The following DNER variants were observed in gnomAD, a reference collection of about 807,000 sequenced individuals.
DNER encodes delta/notch like EGF repeat containing.
A neutral mutation model predicts 78.2 loss-of-function variants in DNER; 33 were observed. The ratio of observed to expected loss-of-function variants is 0.42; its 90% CI spans 0.32 to 0.56. The LOEUF (loss-of-function observed/expected upper bound fraction) is 0.56, where lower values mean the gene tolerates loss of function less well. Ranked by LOEUF, DNER falls within the 20% of genes least tolerant of loss-of-function variation. The pLI is 0.11. For synonymous variants in DNER, 417 were observed against 384.8 expected, an observed-to-expected ratio of 1.08 and a Z score of -0.98; for missense variants, 918 against 975.3, an observed-to-expected ratio of 0.94 and a Z score of 0.78.
chr2:229,485,421 A>T (rs1695249529), intron 6 of DNER, among the ~76,000 whole-genome samples: 1 of 152,230 alleles, frequency 6.6e-6, no homozygotes, highest in Admixed American at 6.5e-5. Flanking sequence ...TTGGTCTAAT[A>T]TAGGCTTGGA....
At chr2:229,385,980 C>T (rs933980866) in intron 11 of DNER, among the ~76,000 whole-genome samples, 1 of 152,030 alleles carries the variant, frequency 6.6e-6, no homozygotes, top group Non-Finnish European at 1.5e-5. Context: ...CTTTAAAGTT[C>T]ATATAGAACC....
chr2:229,500,633 A>G (rs1032562358), intron 6 of DNER, among the ~76,000 whole-genome samples: 18 of 152,208 alleles, frequency 1.2e-4, no homozygotes, highest in African/African-American at 3.9e-4. Flanking sequence ...GATTCAGTCT[A>G]AGTATCCATC....
At chr2:229,674,990 T>C (rs534629562) in intron 1 of DNER, among the ~76,000 whole-genome samples, 1 of 152,320 alleles carries the variant, frequency 6.6e-6, no homozygotes, top group East Asian at 1.9e-4. Context: ...GCATTAGTCA[T>C]CTTTTATATA....
chr2:229,477,159 G>T lies in DNER; in HGVS notation c.1242C>A (p.Phe414Leu). ...AATTACCTTCTGGACACTGGCAGGT[G>T]AATCCACTGAGACTGGAAATGCATG... is the stretch of plus-strand genomic sequence containing the variant. ...GATCISSLSGFTCQCPEGYFG... is the reference protein window; with the variant it reads ...GATCISSLSGLTCQCPEGYFG... Residue 414 changes from phenylalanine (F) to leucine (L), a missense_variant, in exon 7 of 13, where the codon TTC becomes TTA. Coordinates refer to ENST00000341772, the MANE Select transcript of DNER (RefSeq NM_139072.4). 6.2e-7 allele frequency: 1 copy of T among 1,613,696 alleles called. No individual in the cohort carries two copies. Among genetic ancestry groups the T allele is most frequent in the South Asian group, 1.1e-5 (1 of 91,020 alleles).
intron 5 of DNER, among the ~76,000 whole-genome samples, chr2:229,526,357 G>A (rs772747777): frequency 6.6e-6 from 1 of 152,188 alleles, no homozygotes; most frequent in African/African-American, 2.4e-5. Flanking sequence ...TATGATGCTT[G>A]TAGTTTCTTT....
intron 1 of DNER, among the ~76,000 whole-genome samples, chr2:229,679,411 G>T (rs186857698): frequency 6.6e-6 from 1 of 152,230 alleles, no homozygotes; most frequent in Admixed American, 6.5e-5. Context: ...TATTGCAAAT[G>T]AACTGTAATG....
intron 9 of DNER, among the ~76,000 whole-genome samples, chr2:229,408,220 G>A (rs1693432704): frequency 6.6e-6 from 1 of 151,892 alleles, no homozygotes; most frequent in South Asian, 2.1e-4. Flanking sequence ...ATTACTTCCA[G>A]GAGACTTGAT....
intron 1 of DNER, among the ~76,000 whole-genome samples, chr2:229,619,680 G>T (rs1198955859): frequency 3.3e-5 from 5 of 152,164 alleles, no homozygotes; most frequent in African/African-American, 1.2e-4. Context: ...TCTTAAAAAT[G>T]ACTGCAAAGA....
chr2:229,528,583 C>G (rs1362742771), intron 5 of DNER, among the ~76,000 whole-genome samples: 1 of 152,156 alleles, frequency 6.6e-6, no homozygotes, highest in African/African-American at 2.4e-5. Flanking sequence ...GATCTCTACC[C>G]GCAAGTCTGC....
chr2:229,654,847 T>C (rs1021392124), intron 1 of DNER, among the ~76,000 whole-genome samples: 2 of 152,224 alleles, frequency 1.3e-5, no homozygotes, highest in African/African-American at 2.4e-5. Context: ...TGCTCATTAA[T>C]GAGCACACTG....
At chr2:229,563,068 C>A (rs1253309494) in intron 4 of DNER, among the ~76,000 whole-genome samples, 1 of 147,124 alleles carries the variant, frequency 6.8e-6, no homozygotes, top group Non-Finnish European at 1.5e-5. Context: ...CATCATCCTC[C>A]TCACCCCATC....
chr2:229,386,190 T>G (rs1320873903), intron 11 of DNER, among the ~76,000 whole-genome samples: 2 of 152,176 alleles, frequency 1.3e-5, no homozygotes, highest in Non-Finnish European at 2.9e-5. Context: ...ATCTGATCTT[T>G]GATAAACCTG....
chr2:229,582,971 A>G (rs1162766355), intron 4 of DNER, among the ~76,000 whole-genome samples: 1 of 152,188 alleles, frequency 6.6e-6, no homozygotes, highest in Non-Finnish European at 1.5e-5. Flanking sequence ...TTATTCCCAT[A>G]AGGAATAATA....
At chr2:229,672,882 G>C (rs146255256) in intron 1 of DNER, among the ~76,000 whole-genome samples, 164 of 152,240 alleles carry the variant, frequency 1.1e-3, no homozygotes, top group African/African-American at 3.7e-3. Flanking sequence ...CAAAAATATT[G>C]TTTCAGCCAC....
At chr2:229,677,877 C>A (rs73095381) in intron 1 of DNER, among the ~76,000 whole-genome samples, 5 of 152,126 alleles carry the variant, frequency 3.3e-5, no homozygotes, top group Non-Finnish European at 5.9e-5. Flanking sequence ...AACCTGAACT[C>A]TGACTTTCAT....
chr2:229,680,850 G>A (rs896271774), intron 1 of DNER, among the ~76,000 whole-genome samples: 21 of 152,158 alleles, frequency 1.4e-4, no homozygotes, highest in African/African-American at 4.8e-4. Flanking sequence ...CAAAAGACAG[G>A]TATATATTCA....
intron 10 of DNER, among the ~76,000 whole-genome samples, chr2:229,396,705 A>G (rs1335710266): frequency 6.6e-6 from 1 of 152,224 alleles, no homozygotes; most frequent in Non-Finnish European, 1.5e-5. Flanking sequence ...GGTAATTGTT[A>G]TCTGTCATAG....
chr2:229,441,334 T>G (rs2106359581), intron 8 of DNER, among the ~76,000 whole-genome samples: 1 of 151,450 alleles, frequency 6.6e-6, no homozygotes, highest in East Asian at 1.9e-4. Context: ...ATTAATTAAG[T>G]TCTGTCAATG....
At position 229,512,851 on chromosome 2, in the gene DNER, T is replaced by C; in HGVS notation, c.1079A>G (p.Asn360Ser). The C allele has an allele frequency of 6.2e-7, 1 of 1,614,180 alleles. No homozygotes were observed. Among genetic ancestry groups the C allele is most frequent in the Non-Finnish European group, 8.5e-7 (1 of 1,180,028 alleles). Residue 360 changes from asparagine (N) to serine (S), a missense_variant, in exon 6 of 13, where the codon AAC becomes AGC. Coordinates refer to ENST00000341772, the MANE Select transcript of DNER (RefSeq NM_139072.4). The stretch of plus-strand genomic sequence containing the variant: ...ATTTGCATCAATACAGCTCGCGTTG[T>C]TTTGGCAAGGTTTCCTCTGGCAAGC... ...YDACQRKPCQ[N>S]NASCIDANEK...
Sources: gnomAD v4.1 joint callset for allele counts (sites outside exome capture counted in the v4.1 genomes callset) on GRCh38, gnomAD v4.1.1 for gene constraint, MANE v1.5 for transcripts, NCBI Gene and HGNC (gene_info 2026-07-23, HGNC 2026-07-21) for gene names.